CEP63: variants seen among roughly 807,000 people sequenced by gnomAD.
The protein encoded by CEP63 is centrosomal protein of 63 kDa.
In CEP63, 84 loss-of-function variants were observed where a neutral mutation model predicts 89.1. That is an observed-to-expected ratio of 0.94 (90% CI 0.79 to 1.13). CEP63 has a LOEUF of 1.13. CEP63 is among the 50% of genes most tolerant of loss of function. The probability of loss-of-function intolerance (pLI) is 0.00; values close to 1 mark genes in which losing one functional copy is unlikely to be tolerated. For missense variants in CEP63, 838 were observed against 813.3 expected, an observed-to-expected ratio of 1.03 and a Z score of -0.37; for synonymous variants, 267 against 272.5, an observed-to-expected ratio of 0.98 and a Z score of 0.20.
the CEP63 span, among the ~76,000 whole-genome samples, chr3:134,617,053 CCTT>C: frequency 1.3e-5 from 2 of 152,146 alleles, no homozygotes; most frequent in Non-Finnish European, 2.9e-5. Flanking sequence ...CTTTGGCACT[CCTT>C]CTAAAGGATG....
the CEP63 span, among the ~76,000 whole-genome samples, chr3:134,667,955 C>G: frequency 4.6e-5 from 7 of 152,304 alleles, no homozygotes; most frequent in African/African-American, 1.7e-4. Context: ...GATATATAGA[C>G]TTGATAACAG....
At chr3:134,550,860 A>G (rs1371482868) in intron 11 of CEP63, among the ~76,000 whole-genome samples, 1 of 152,184 alleles carries the variant, frequency 6.6e-6, no homozygotes, top group Non-Finnish European at 1.5e-5. Flanking sequence ...CAGTGGTAAG[A>G]TGGTGGCCTG....
chr3:134,574,617 G>GT (rs1388231451), intron 11 of CEP63, among the ~76,000 whole-genome samples: 7 of 151,922 alleles, frequency 4.6e-5, no homozygotes, highest in African/African-American at 1.2e-4. Flanking sequence ...CTAAGATTTT[G>GT]TTTTTTTGGT....
At chr3:134,539,696 A>C (rs1050141167) in intron 6 of CEP63, among the ~76,000 whole-genome samples, 10 of 152,194 alleles carry the variant, frequency 6.6e-5, no homozygotes, top group Non-Finnish European at 1.3e-4. Context: ...CTCCATTAAA[A>C]AAAAATCTCT....
intron 5 of CEP63, 143 bp downstream of exon 5, chr3:134,533,043 T>C (rs1479446288): frequency 3.7e-6 from 3 of 820,636 alleles, no homozygotes; most frequent in Non-Finnish European, 6.0e-6. Flanking sequence ...GAGAGGGTGA[T>C]CCACCATACA....
chr3:134,501,938 C>T (rs1384418130), intron 2 of CEP63, among the ~76,000 whole-genome samples: 1 of 152,114 alleles, frequency 6.6e-6, no homozygotes, highest in Non-Finnish European at 1.5e-5. Flanking sequence ...TAACTTTTGC[C>T]TATTCAGTAT....
At chr3:134,733,295 G>A in the CEP63 span, among the ~76,000 whole-genome samples, 1 of 151,772 alleles carries the variant, frequency 6.6e-6, no homozygotes, top group African/African-American at 2.4e-5. Context: ...ACACATACTT[G>A]GAAACTTACT....
chr3:134,707,283 T>C, the CEP63 span, among the ~76,000 whole-genome samples: 9 of 152,142 alleles, frequency 5.9e-5, no homozygotes, highest in South Asian at 1.2e-3. Context: ...GGTTGAGAGA[T>C]ACAGAGATTT....
intron 6 of CEP63, among the ~76,000 whole-genome samples, 193 bp downstream of exon 6, chr3:134,537,461 C>T (rs1296553492): frequency 6.6e-5 from 10 of 152,144 alleles, no homozygotes; most frequent in African/African-American, 2.4e-4. Flanking sequence ...CACATGCGTG[C>T]ATTCACTCTC....
At chr3:134,773,813 T>C in the CEP63 span, among the ~76,000 whole-genome samples, 5 of 152,310 alleles carry the variant, frequency 3.3e-5, no homozygotes, top group African/African-American at 1.2e-4. Context: ...TCATCCTTCC[T>C]GTCACCAGGT....
the CEP63 span, chr3:134,627,884 CT>C: frequency 7.8e-7 from 1 of 1,283,114 alleles, no homozygotes; most frequent in Non-Finnish European, 1.1e-6. Context: ...GCACTGATGA[CT>C]CACCTTCTGG....
At chr3:134,640,852 C>G in the CEP63 span, among the ~76,000 whole-genome samples, 2 of 152,228 alleles carry the variant, frequency 1.3e-5, no homozygotes, top group Non-Finnish European at 2.9e-5. Flanking sequence ...CACAATGCCT[C>G]TTAAGGGTTG....
the CEP63 span, among the ~76,000 whole-genome samples, chr3:134,715,371 T>C: frequency 6.6e-6 from 1 of 151,244 alleles, no homozygotes; most frequent in Non-Finnish European, 1.5e-5. Flanking sequence ...TAGCGATGAA[T>C]TGCACAACTT....
the CEP63 span, among the ~76,000 whole-genome samples, chr3:134,598,526 G>A: frequency 6.6e-6 from 1 of 152,186 alleles, no homozygotes. Flanking sequence ...AGGCCATTGT[G>A]GACAGTAATA....
chr3:134,583,710 T>A (rs1958416528), intron 10 of CEP63, among the ~76,000 whole-genome samples: 1 of 152,226 alleles, frequency 6.6e-6, no homozygotes, highest in African/African-American at 2.4e-5. Context: ...TTTCCAATTC[T>A]GTGAAGAAAG....
At chr3:134,758,098 T>C in the CEP63 span, among the ~76,000 whole-genome samples, 1 of 152,192 alleles carries the variant, frequency 6.6e-6, no homozygotes, top group African/African-American at 2.4e-5. Flanking sequence ...ATTATGCCTG[T>C]TACACGCTTC....
At chr3:134,599,429 G>A in the CEP63 span, among the ~76,000 whole-genome samples, 2 of 152,168 alleles carry the variant, frequency 1.3e-5, no homozygotes, top group Non-Finnish European at 2.9e-5. Context: ...CATGGTTACA[G>A]CAGCTTCTCA....
intron 12 of CEP63, among the ~76,000 whole-genome samples, chr3:134,553,786 T>G (rs1560030001): frequency 6.6e-6 from 1 of 152,190 alleles, no homozygotes; most frequent in Non-Finnish European, 1.5e-5. Flanking sequence ...GTCATGTGTG[T>G]TTCTGATTTT....
chr3:134,696,904 AC>A, the CEP63 span, among the ~76,000 whole-genome samples: 16 of 152,344 alleles, frequency 1.1e-4, no homozygotes, highest in African/African-American at 3.8e-4. Flanking sequence ...TAAGAGCAAA[AC>A]TTGGCTCTTC....
Sources: allele counts gnomAD v4.1 joint callset (sites outside exome capture counted in the v4.1 genomes callset), GRCh38; gene constraint gnomAD v4.1.1; transcripts MANE v1.5; gene names NCBI Gene and HGNC (gene_info 2026-07-23, HGNC 2026-07-21).